The following PRDM11 variants were observed in gnomAD, a reference collection of about 807,000 sequenced individuals.
PRDM11 encodes the protein PR/SET domain 11.
PRDM11 carries 20 observed loss-of-function variants against 97.8 expected under a neutral mutation model. That is an observed-to-expected ratio of 0.20 (90% CI 0.14 to 0.30). PRDM11 has a LOEUF of 0.30. Among genes scored for constraint, PRDM11 ranks in the 10% least tolerant of loss-of-function variants. The pLI is 1.00. For missense variants in PRDM11, 1,139 were observed against 1,555.2 expected, an observed-to-expected ratio of 0.73 and a Z score of 4.50; for synonymous variants, 599 against 637.7, an observed-to-expected ratio of 0.94 and a Z score of 0.91.
intron 1 of PRDM11, among the ~76,000 whole-genome samples, chr11:45,167,057 C>T (rs959355986): frequency 6.6e-6 from 1 of 152,150 alleles, no homozygotes; most frequent in African/African-American, 2.4e-5. Flanking sequence ...GCTTCAATTT[C>T]ATCAAATGTA....
At position 45,227,733 on chromosome 11, in the gene PRDM11, T is replaced by A. The variant is rs1298031935; in HGVS notation, c.3108T>A (p.Ser1036Arg). The A allele has an allele frequency of 2.6e-6, 4 of 1,533,860 alleles. No individual in the cohort carries two copies. In the East Asian group the frequency reaches 9.8e-5, roughly 37 times the overall value. Residue 1036 changes from serine (S) to arginine (R), a missense_variant, in exon 8 of 8, where the codon AGT becomes AGA. By Grantham distance (110) the Ser-to-Arg change is moderately radical. Transcript: ENST00000683152. This position sits in a 1 kb window ranked among gnomAD's most constrained non-coding sequence, Gnocchi z 8.0. ...VCREGLDPRG[S>R]LLMEWRELKA... ...GGGAAGGGCTGGACCCCCGGGGTAG[T>A]CTGTTGATGGAGTGGCGAGAACTCA...
rs1377772966 is a variant in PRDM11, at chr11:45,224,316, G to C, written c.842G>C (p.Ser281Thr). The C allele has an allele frequency of 6.2e-7, 1 of 1,614,160 alleles. No individual in the cohort carries two copies. Among genetic ancestry groups the C allele is most frequent in the Non-Finnish European group, 8.5e-7 (1 of 1,180,030 alleles). ...IHLSVLRQGK[S>T]PYKRGFDEGD... ...CTCTCTGTGCTGAGACAGGGCAAAA[G>C]TCCCTACAAGCGTGGCTTTGATGAG... Residue 281 changes from serine (S) to threonine (T), a missense_variant, in exon 7 of 8, where the codon AGT (serine) becomes ACT (threonine). Physicochemically the swap from Ser to Thr is moderately conservative, Grantham distance 58. Around this residue, in one of 2 missense-constraint regions of PRDM11, gnomAD observed 429 missense variants for 510.3 expected, o/e 0.84. Transcript: ENST00000683152.
intron 1 of PRDM11, among the ~76,000 whole-genome samples, chr11:45,149,489 T>TC (rs1358041244): frequency 2.0e-5 from 3 of 152,230 alleles, no homozygotes; most frequent in Non-Finnish European, 4.4e-5. Flanking sequence ...GATGGGAGTG[T>TC]CTGGTGGTCC....
chr11:45,145,617 G>C (rs911390328), upstream of PRDM11, among the ~76,000 whole-genome samples: 16 of 152,174 alleles, frequency 1.1e-4, no homozygotes, highest in African/African-American at 3.4e-4. Context: ...ACCAACTGGG[G>C]TTTACTGCCC....
At chr11:45,098,582 G>A (rs943776986) in intron 1 of PRDM11, among the ~76,000 whole-genome samples, 1 of 152,288 alleles carries the variant, frequency 6.6e-6, no homozygotes, top group East Asian at 1.9e-4. Flanking sequence ...AGGCAGAGCT[G>A]GGATTTGCAT....
At chr11:45,153,586 T>G (rs1373212176) in intron 1 of PRDM11, among the ~76,000 whole-genome samples, 1 of 152,244 alleles carries the variant, frequency 6.6e-6, no homozygotes, top group Admixed American at 6.5e-5. Flanking sequence ...GGGACAGCAG[T>G]GCCTGAATAC....
chr11:45,209,549 A>G (rs993075708), intron 5 of PRDM11, among the ~76,000 whole-genome samples: 1 of 152,182 alleles, frequency 6.6e-6, no homozygotes, highest in African/African-American at 2.4e-5. Flanking sequence ...AACCCCACGC[A>G]GGCCCTGCTC....
intron 5 of PRDM11, chr11:45,212,810 A>G (rs952988365): frequency 3.5e-5 from 16 of 455,250 alleles, no homozygotes; most frequent in Non-Finnish European, 6.2e-5. Context: ...CATGCACGTC[A>G]TCGGCCAGGC....
intron 1 of PRDM11, among the ~76,000 whole-genome samples, chr11:45,135,430 G>T (rs557329274): frequency 6.6e-6 from 1 of 152,228 alleles, no homozygotes; most frequent in African/African-American, 2.4e-5. Context: ...CAGAACTAAT[G>T]AAAACAATAT....
At chr11:45,098,314 A>G (rs1223168895) in intron 1 of PRDM11, among the ~76,000 whole-genome samples, 12 of 152,176 alleles carry the variant, frequency 7.9e-5, no homozygotes, top group Admixed American at 6.5e-4. Flanking sequence ...CTTGACATCC[A>G]TTCCTGCATT....
chr11:45,212,463 C>G (rs1255800155), intron 5 of PRDM11: 1 of 391,846 alleles, frequency 2.6e-6, no homozygotes. Context: ...GTTTCTGTCC[C>G]CCAAGATGAT....
intron 1 of PRDM11, among the ~76,000 whole-genome samples, chr11:45,170,315 C>T (rs1274268455): frequency 6.6e-6 from 1 of 151,942 alleles, no homozygotes; most frequent in East Asian, 1.9e-4. Context: ...TGCACTCCAG[C>T]CTGGGTGACA....
At chr11:45,220,906 T>G (rs534355799) in intron 6 of PRDM11, among the ~76,000 whole-genome samples, 1 of 152,156 alleles carries the variant, frequency 6.6e-6, no homozygotes, top group Non-Finnish European at 1.5e-5. Flanking sequence ...GTGTTTTTTT[T>G]GTTTGTTTGT....
Position 45,227,022 on chromosome 11 carries a change from G to A in PRDM11, c.2397G>A (p.Pro799=), listed in dbSNP as rs759235657. Residue 799 remains proline, a synonymous_variant, in exon 8 of 8, where the codon CCG becomes CCA. Coordinates refer to ENST00000683152, the MANE Select transcript of PRDM11 (RefSeq NM_001384648.1). The surrounding 1 kb of genome is among the most constrained non-coding windows in gnomAD (Gnocchi z 8.0). ...TGCTGAGCTTCTACCGCTACTCACC[G>A]CGCCTCATGTGCGAGCTGCGGTCCA... is the stretch of plus-strand genomic sequence containing the variant. The part of the protein sequence containing the change: ...KQLLSFYRYS[P]RLMCELRSTA... The A allele has an allele frequency of 5.2e-5, 79 of 1,533,962 alleles. 2 individuals carry two copies. Among genetic ancestry groups the A allele is most frequent in the South Asian group, 4.0e-4 (34 of 83,970 alleles).
intron 1 of PRDM11, among the ~76,000 whole-genome samples, chr11:45,117,325 A>G (rs1374805592): frequency 1.3e-5 from 2 of 152,192 alleles, no homozygotes; most frequent in Non-Finnish European, 2.9e-5. Context: ...CCCAAAGCAT[A>G]AAATAAATAT....
In PRDM11 at chr11:45,234,696, C is replaced by G. The variant is rs1163245412; in HGVS notation, c.*6537C>G. 1 of 152,232 alleles carries G rather than the reference C, an allele frequency of 6.6e-6. No homozygotes were observed. Among genetic ancestry groups the G allele is most frequent in the African/African-American group, 2.4e-5 (1 of 41,448 alleles). 9.4% of individuals were successfully genotyped at this position (152,232 alleles called of 1,614,324 possible). ...GGGGGACAGCGGTCACAATACTGCT[C>G]ACCAAAAGACAAAGGCCAGGCTGCC... On this transcript the variant is annotated 3_prime_UTR_variant, in exon 8 of 8. Coordinates refer to ENST00000683152, the MANE Select transcript of PRDM11 (RefSeq NM_001384648.1).
chr11:45,154,831 C>G (rs1240774749), intron 1 of PRDM11, among the ~76,000 whole-genome samples: 1 of 152,200 alleles, frequency 6.6e-6, no homozygotes, highest in Non-Finnish European at 1.5e-5. Context: ...ACTTAGAGCT[C>G]ATACAGTTTA....
At chr11:45,127,186 A>G (rs995294783) in intron 1 of PRDM11, among the ~76,000 whole-genome samples, 1 of 152,194 alleles carries the variant, frequency 6.6e-6, no homozygotes, top group Admixed American at 6.5e-5. Context: ...TTTCAGCTCC[A>G]TCAGCTCCTT....
Position 45,219,864 on chromosome 11 carries a change from G to C in PRDM11, c.742+107G>C. ...GAAATACGGTTCCCAGCAATGGGAA[G>C]ACCCAGAGTGATTCGGGGGAACAGA... is the stretch of plus-strand genomic sequence containing the variant. On this transcript the variant is annotated intron_variant, in intron 6 of 7. Transcript: ENST00000683152. This position sits in a 1 kb window ranked among gnomAD's most constrained non-coding sequence, Gnocchi z 4.2. 1 of 1,284,784 alleles carries C rather than the reference G, an allele frequency of 7.8e-7. No homozygotes were observed. The highest frequency in any genetic ancestry group is 1.1e-6 in the Non-Finnish European group (1 of 951,940). 79.6% of individuals were successfully genotyped at this position (1,284,784 alleles called of 1,614,324 possible).
Sources: allele counts gnomAD v4.1 joint callset (sites outside exome capture counted in the v4.1 genomes callset), GRCh38; gene constraint gnomAD v4.1.1; regional missense constraint gnomAD v4.1.1; non-coding constraint Gnocchi (gnomAD v3.1); transcripts MANE v1.5; gene names NCBI Gene and HGNC (gene_info 2026-07-23, HGNC 2026-07-21).